CACNG3: variants seen among roughly 807,000 people sequenced by gnomAD.
The protein encoded by CACNG3 is voltage-dependent calcium channel gamma-3 subunit.
CACNG3 carries 3 observed loss-of-function variants against 28.5 expected under a neutral mutation model. The ratio of observed to expected loss-of-function variants is 0.11; its 90% CI spans 0.05 to 0.27. The LOEUF is 0.27. CACNG3 is among the 10% of genes least tolerant of loss of function. The probability of loss-of-function intolerance (pLI) is 1.00; values close to 1 mark genes in which losing one functional copy is unlikely to be tolerated. For missense variants in CACNG3, 236 were observed against 414.4 expected (o/e 0.57, Z 3.74); for synonymous variants, 174 against 162.2 (o/e 1.07, Z -0.55).
intron 1 of CACNG3, among the ~76,000 whole-genome samples, chr16:24,277,812 T>C: frequency 6.7e-6 from 1 of 149,276 alleles, no homozygotes; most frequent in East Asian, 2.0e-4. Flanking sequence ...AGGGAAGCCA[T>C]GAAAGAGTTT....
In CACNG3 at chr16:24,327,099, G is replaced by C. The variant is rs78384263; in HGVS notation, c.212-19635G>C. Among the ~76,000 whole-genome samples, 1,099 of 121,132 alleles carry C rather than the reference G, an allele frequency of 9.1e-3. 18 individuals carry two copies. The highest frequency in any genetic ancestry group is 0.033 in the African/African-American group (1,047 of 31,694). 79.5% of individuals were successfully genotyped at this position (121,132 alleles called of 152,430 possible). ...GAGAGGTGGAGTCCTAAGTCTCTAA[G>C]GAGTGGCCAAGGCAGGGGCTCCAAA... On this transcript the variant is annotated intron_variant, in intron 1 of 3. Coordinates refer to ENST00000005284, the MANE Select transcript of CACNG3 (RefSeq NM_006539.4).
At chr16:24,354,708 C>T (rs1312415203) in intron 2 of CACNG3, 125 bp from the exon 3 acceptor site, 17 of 931,586 alleles carry the variant, frequency 1.8e-5, no homozygotes, top group East Asian at 1.2e-4. Flanking sequence ...GTCTCATGCC[C>T]GTGTTAGACA....
chr16:24,260,622 G>T (rs1842707287), intron 1 of CACNG3, among the ~76,000 whole-genome samples: 1 of 152,224 alleles, frequency 6.6e-6, no homozygotes, highest in South Asian at 2.1e-4. Context: ...ACATTAGTTT[G>T]TGAAAATGCC....
At chr16:24,314,887 T>G (rs1386671398) in intron 1 of CACNG3, among the ~76,000 whole-genome samples, 1 of 152,020 alleles carries the variant, frequency 6.6e-6, no homozygotes, top group African/African-American at 2.4e-5. Flanking sequence ...AGGGTTATGA[T>G]GATCGAAAAA....
At chr16:24,336,847 C>T (rs1480373304) in intron 1 of CACNG3, among the ~76,000 whole-genome samples, 1 of 151,926 alleles carries the variant, frequency 6.6e-6, no homozygotes, top group Non-Finnish European at 1.5e-5. Context: ...TAGAGTCTTC[C>T]TCTGTCACCT....
chr16:24,270,438 G>A (rs532626391), intron 1 of CACNG3, among the ~76,000 whole-genome samples: 1 of 152,332 alleles, frequency 6.6e-6, no homozygotes, highest in South Asian at 2.1e-4. Context: ...CAATCAAAAT[G>A]CTCTGGGTGT....
intron 2 of CACNG3, among the ~76,000 whole-genome samples, chr16:24,349,763 G>A (rs555814376): frequency 6.6e-6 from 1 of 152,150 alleles, no homozygotes; most frequent in Non-Finnish European, 1.5e-5. Context: ...TTTGTGACCT[G>A]TATCTTGTGT....
chr16:24,308,049 G>A (rs1035363225), intron 1 of CACNG3, among the ~76,000 whole-genome samples: 1 of 152,068 alleles, frequency 6.6e-6, no homozygotes, highest in African/African-American at 2.4e-5. Context: ...TGCAGAGACG[G>A]GCTGACTCCC....
intron 2 of CACNG3, among the ~76,000 whole-genome samples, chr16:24,352,595 G>T (rs1358153176): frequency 6.6e-6 from 1 of 150,730 alleles, no homozygotes; most frequent in Non-Finnish European, 1.5e-5. Context: ...CTGGAGTGCA[G>T]TGGTACGATC....
chr16:24,297,856 G>A (rs1899052777), intron 1 of CACNG3, among the ~76,000 whole-genome samples: 3 of 152,106 alleles, frequency 2.0e-5, no homozygotes. Flanking sequence ...GGATTTTTCT[G>A]CATTTTTTTT....
At chr16:24,294,207 G>T (rs572870450) in intron 1 of CACNG3, among the ~76,000 whole-genome samples, 2 of 152,340 alleles carry the variant, frequency 1.3e-5, no homozygotes, top group South Asian at 4.1e-4. Context: ...GCTTAGAGAG[G>T]ATGCTGGAAG....
At chr16:24,284,642 T>A (rs1898870151) in intron 1 of CACNG3, among the ~76,000 whole-genome samples, 1 of 152,206 alleles carries the variant, frequency 6.6e-6, no homozygotes. Context: ...CTTAATGTAT[T>A]TTTTAAGAAT....
chr16:24,270,628 C>T (rs1898674632), intron 1 of CACNG3, among the ~76,000 whole-genome samples: 2 of 152,132 alleles, frequency 1.3e-5, no homozygotes, highest in Non-Finnish European at 1.5e-5. Context: ...AGGTCTGGAC[C>T]AAGGAAATCA....
intron 2 of CACNG3, among the ~76,000 whole-genome samples, chr16:24,353,295 G>A (rs1253811114): frequency 1.3e-5 from 2 of 152,204 alleles, no homozygotes; most frequent in Non-Finnish European, 2.9e-5. Context: ...TTTTTGTGTT[G>A]CACAAGGCCC....
At chr16:24,299,572 C>T (rs548307037) in intron 1 of CACNG3, among the ~76,000 whole-genome samples, 1 of 152,264 alleles carries the variant, frequency 6.6e-6, no homozygotes, top group African/African-American at 2.4e-5. Flanking sequence ...CTGTTCCTGT[C>T]AATGTAAAGA....
At chr16:24,350,792 G>T (rs541732710) in intron 2 of CACNG3, among the ~76,000 whole-genome samples, 1 of 152,134 alleles carries the variant, frequency 6.6e-6, no homozygotes, top group African/African-American at 2.4e-5. Context: ...TCCCTTTAAA[G>T]GTTAGTCCAC....
intron 1 of CACNG3, among the ~76,000 whole-genome samples, chr16:24,301,971 C>T (rs1041424451): frequency 9.2e-5 from 14 of 152,144 alleles, no homozygotes. Flanking sequence ...CTAAGTGATT[C>T]ATCCTGGGAT....
chr16:24,355,072 G>A, intron 3 of CACNG3, 99 bp downstream of exon 3: 1 of 1,202,788 alleles, frequency 8.3e-7, no homozygotes, highest in Non-Finnish European at 1.2e-6. Flanking sequence ...CTCCAGGGAA[G>A]GAGCAAGAAA....
intron 1 of CACNG3, among the ~76,000 whole-genome samples, chr16:24,257,245 T>C (rs1236058697): frequency 2.0e-5 from 3 of 151,672 alleles, no homozygotes; most frequent in Non-Finnish European, 4.4e-5. Flanking sequence ...CCAAAATCCC[T>C]AGGCATATTG....
Sources: allele counts gnomAD v4.1 joint callset (sites outside exome capture counted in the v4.1 genomes callset), GRCh38; gene constraint gnomAD v4.1.1; transcripts MANE v1.5; gene names NCBI Gene and HGNC (gene_info 2026-07-23, HGNC 2026-07-21).